Variants in VAV3 observed in about 807,000 individuals in gnomAD.
VAV3 encodes the protein vav guanine nucleotide exchange factor 3.
A neutral mutation model predicts 131.2 loss-of-function variants in VAV3; 94 were observed. The observed-to-expected ratio is 0.72, with a 90% CI of 0.61 to 0.85. The LOEUF (loss-of-function observed/expected upper bound fraction) is 0.85, where lower values mean the gene tolerates loss of function less well. Ranked by LOEUF, VAV3 falls within the 40% of genes least tolerant of loss-of-function variation. The probability of loss-of-function intolerance (pLI) is 0.00; values close to 1 mark genes in which losing one functional copy is unlikely to be tolerated. For missense variants in VAV3, 939 were observed against 1,002.7 expected, an observed-to-expected ratio of 0.94 and a Z score of 0.86; for synonymous variants, 349 against 342.0, an observed-to-expected ratio of 1.02 and a Z score of -0.22.
chr1:107,665,676 C>T (rs1385075860), intron 19 of VAV3, among the ~76,000 whole-genome samples: 1 of 152,192 alleles, frequency 6.6e-6, no homozygotes, highest in Non-Finnish European at 1.5e-5. Context: ...GTTTTACATA[C>T]CTGACTGCAC....
chr1:107,747,349 C>T (rs1416852229), intron 15 of VAV3, among the ~76,000 whole-genome samples: 3 of 151,856 alleles, frequency 2.0e-5, no homozygotes, highest in South Asian at 2.1e-4. Context: ...TATAGCCAAA[C>T]GAAACCCATA....
chr1:107,923,130 A>G (rs1208146532), intron 1 of VAV3, among the ~76,000 whole-genome samples: 1 of 152,046 alleles, frequency 6.6e-6, no homozygotes, highest in African/African-American at 2.4e-5. Flanking sequence ...TGTCTCTAGC[A>G]TCTACCAATC....
At chr1:107,829,325 T>A (rs1023204877) in intron 2 of VAV3, among the ~76,000 whole-genome samples, 1 of 152,174 alleles carries the variant, frequency 6.6e-6, no homozygotes, top group Non-Finnish European at 1.5e-5. Context: ...TTCCCCTGAT[T>A]TATATAGCTT....
At chr1:107,910,213 G>A (rs1365898006) in intron 1 of VAV3, among the ~76,000 whole-genome samples, 1 of 152,148 alleles carries the variant, frequency 6.6e-6, no homozygotes, top group East Asian at 1.9e-4. Flanking sequence ...TAATTCCAAG[G>A]CCTTACCAAT....
intron 14 of VAV3, 142 bp downstream of exon 14, chr1:107,749,320 C>T (rs1663556214): frequency 4.9e-6 from 5 of 1,010,234 alleles, no homozygotes; most frequent in Non-Finnish European, 7.0e-6. Flanking sequence ...AGTTATTTCT[C>T]ACAAAGTTAT....
intron 15 of VAV3, among the ~76,000 whole-genome samples, chr1:107,748,398 A>G (rs1663490417): frequency 6.6e-6 from 1 of 152,110 alleles, no homozygotes; most frequent in Non-Finnish European, 1.5e-5. Flanking sequence ...GGGTTGATTT[A>G]TTTTCTACCT....
intron 19 of VAV3, among the ~76,000 whole-genome samples, chr1:107,661,875 G>C (rs1245343931): frequency 6.6e-6 from 1 of 152,070 alleles, no homozygotes; most frequent in Non-Finnish European, 1.5e-5. Flanking sequence ...ACATGTTACA[G>C]GACTTGGTGA....
chr1:107,632,581 G>C (rs1654585502), intron 20 of VAV3, among the ~76,000 whole-genome samples: 1 of 152,146 alleles, frequency 6.6e-6, no homozygotes, highest in South Asian at 2.1e-4. Context: ...TCTGACCCAA[G>C]TTACATCTGT....
At chr1:107,703,178 A>G (rs1333451430) in intron 17 of VAV3, among the ~76,000 whole-genome samples, 1 of 152,216 alleles carries the variant, frequency 6.6e-6, no homozygotes, top group Non-Finnish European at 1.5e-5. Flanking sequence ...AACTGTCTCC[A>G]AAGAGATTAA....
intron 2 of VAV3, among the ~76,000 whole-genome samples, chr1:107,848,808 C>T (rs1345226533): frequency 1.1e-4 from 16 of 152,014 alleles, no homozygotes; most frequent in Non-Finnish European, 1.5e-4. Context: ...ATGATATGAT[C>T]GTATATTTAG....
At chr1:107,904,807 C>T (rs1210690665) in intron 1 of VAV3, among the ~76,000 whole-genome samples, 1 of 151,800 alleles carries the variant, frequency 6.6e-6, no homozygotes, top group Non-Finnish European at 1.5e-5. Context: ...GAGAGAGGCA[C>T]ACAATAATGA....
At chr1:107,660,789 T>C (rs760428375) in intron 19 of VAV3, among the ~76,000 whole-genome samples, 1 of 152,126 alleles carries the variant, frequency 6.6e-6, no homozygotes, top group Non-Finnish European at 1.5e-5. Flanking sequence ...CTCAAAAACT[T>C]AGAGTCTAAC....
At chr1:107,739,467 A>G (rs1001928005) in intron 15 of VAV3, among the ~76,000 whole-genome samples, 1 of 152,168 alleles carries the variant, frequency 6.6e-6, no homozygotes, top group African/African-American at 2.4e-5. Context: ...GGGAGAGTTG[A>G]GCTGGCTTCA....
chr1:107,678,414 C>T (rs564298478), intron 19 of VAV3, among the ~76,000 whole-genome samples: 8 of 152,132 alleles, frequency 5.3e-5, no homozygotes, highest in Non-Finnish European at 1.0e-4. Context: ...TTATTATAGA[C>T]AAAAGCTCAT....
chr1:107,603,339 C>T (rs540554004), intron 22 of VAV3, among the ~76,000 whole-genome samples, 176 bp from the exon 23 acceptor site: 1 of 152,226 alleles, frequency 6.6e-6, no homozygotes, highest in Admixed American at 6.5e-5. Flanking sequence ...TACGTCCAAA[C>T]ACAAATGCTC....
chr1:107,865,005 T>C (rs970489512), intron 2 of VAV3, among the ~76,000 whole-genome samples: 1 of 152,138 alleles, frequency 6.6e-6, no homozygotes, highest in Non-Finnish European at 1.5e-5. Flanking sequence ...CACACTGCAC[T>C]GGTTGCTTTT....
At chr1:107,839,939 T>C (rs1329998641) in intron 2 of VAV3, among the ~76,000 whole-genome samples, 2 of 152,136 alleles carry the variant, frequency 1.3e-5, no homozygotes, top group African/African-American at 4.8e-5. Context: ...AACAGGCCAA[T>C]TCCTTGAAAG....
chr1:107,893,870 T>A (rs1327722487), intron 1 of VAV3, among the ~76,000 whole-genome samples: 1 of 152,248 alleles, frequency 6.6e-6, no homozygotes, highest in Non-Finnish European at 1.5e-5. Flanking sequence ...TAGGCTATTA[T>A]GTTCATGAAT....
intron 24 of VAV3, among the ~76,000 whole-genome samples, chr1:107,601,071 G>A (rs1297503982): frequency 2.0e-5 from 3 of 152,118 alleles, no homozygotes; most frequent in East Asian, 1.9e-4. Context: ...TGTCTCAGCT[G>A]TGTCTGTCAT....
Sources: gnomAD v4.1 joint callset for allele counts (sites outside exome capture counted in the v4.1 genomes callset) on GRCh38, gnomAD v4.1.1 for gene constraint, MANE v1.5 for transcripts, NCBI Gene and HGNC (gene_info 2026-07-23, HGNC 2026-07-21) for gene names.